The following RASSF3 variants were observed in gnomAD, a reference collection of about 807,000 sequenced individuals.
RASSF3 encodes ras association domain-containing protein 3.
RASSF3 carries 19 observed loss-of-function variants against 19.9 expected under a neutral mutation model. That is an observed-to-expected ratio of 0.96 (90% CI 0.67 to 1.40). RASSF3 has a LOEUF of 1.40. Among genes scored for constraint, RASSF3 ranks in the 40% most tolerant of loss-of-function variants. The pLI is 0.00. For missense variants in RASSF3, 306 were observed against 289.8 expected (o/e 1.06, Z -0.41); for synonymous variants, 110 against 104.2 (o/e 1.06, Z -0.34).
upstream of RASSF3, among the ~76,000 whole-genome samples, chr12:64,605,538 CA>C (rs1870175987): frequency 6.6e-6 from 1 of 152,030 alleles, no homozygotes; most frequent in South Asian, 2.1e-4. Context: ...ACTATTCCAG[CA>C]GGAACAAAAT....
At chr12:64,611,021 C>T (rs961517473) in intron 1 of RASSF3, among the ~76,000 whole-genome samples, 1 of 152,334 alleles carries the variant, frequency 6.6e-6, no homozygotes, top group South Asian at 2.1e-4. Context: ...CTCGGGCTGC[C>T]GCCTGCGGGG....
chr12:64,592,482 T>C (rs1869941236), intron 2 of RASSF3, among the ~76,000 whole-genome samples: 1 of 152,218 alleles, frequency 6.6e-6, no homozygotes, highest in African/African-American at 2.4e-5. Flanking sequence ...TTTGATATTG[T>C]TTCCTACAAG....
chr12:64,543,877 C>T (rs956469785), downstream of RASSF3, among the ~76,000 whole-genome samples: 3 of 151,970 alleles, frequency 2.0e-5, no homozygotes, highest in Non-Finnish European at 2.9e-5. Context: ...CTGTACCTAG[C>T]TAATCTAGTG....
At chr12:64,626,135 C>CTGT (rs1193838600) in intron 1 of RASSF3, among the ~76,000 whole-genome samples, 1 of 151,948 alleles carries the variant, frequency 6.6e-6, no homozygotes, top group Non-Finnish European at 1.5e-5. Context: ...ATTGGCTGAG[C>CTGT]TGTAGTGTTA....
At chr12:64,642,971 TTC>T (rs769686318) in intron 1 of RASSF3, among the ~76,000 whole-genome samples, 26 of 151,884 alleles carry the variant, frequency 1.7e-4, no homozygotes, top group Non-Finnish European at 3.1e-4. Context: ...GTTCAAGTGA[TTC>T]TCGTGCCTCA....
intron 1 of RASSF3, among the ~76,000 whole-genome samples, chr12:64,535,586 G>A (rs1592392847): frequency 6.6e-6 from 1 of 151,616 alleles, no homozygotes; most frequent in African/African-American, 2.4e-5. Flanking sequence ...AGCTGGTCTC[G>A]AACTCCTGGG....
Position 64,694,887 on chromosome 12 carries a change from T to C in RASSF3, c.692T>C (p.Leu231Pro). Residue 231 changes from leucine to proline, a missense_variant, in exon 5 of 5, where the codon CTC becomes CCC. By Grantham distance (98) the Leu-to-Pro change is moderately conservative. Transcript: ENST00000542104. ...TACAGGCAGAAGCTGGAAGAAGCCCTCCGTGAGGTGTGGAAGCCTGATTAA... is the reference window on the plus strand; with the variant it reads ...TACAGGCAGAAGCTGGAAGAAGCCCCCCGTGAGGTGTGGAAGCCTGATTAA... ...TAYRQKLEEA[L>P]REVWKPD 6.2e-7 allele frequency: 1 copy of C among 1,614,168 alleles called. No homozygotes were observed. The highest frequency in any genetic ancestry group is 8.5e-7 in the Non-Finnish European group (1 of 1,180,030).
At chr12:64,548,515 T>C (rs1167960720) in intron 2 of RASSF3, among the ~76,000 whole-genome samples, 2 of 152,164 alleles carry the variant, frequency 1.3e-5, no homozygotes, top group Non-Finnish European at 2.9e-5. Flanking sequence ...TTTGGTGCAT[T>C]TCTTACTGTT....
chr12:64,519,411 G>GTATA (rs138994678), intron 1 of RASSF3, among the ~76,000 whole-genome samples: 2 of 150,800 alleles, frequency 1.3e-5, no homozygotes, highest in Non-Finnish European at 3.0e-5. Context: ...TCTCAAATAC[G>GTATA]TATATATATA....
At chr12:64,589,604 A>G (rs1329636095) in intron 2 of RASSF3, among the ~76,000 whole-genome samples, 1 of 152,024 alleles carries the variant, frequency 6.6e-6, no homozygotes, top group Non-Finnish European at 1.5e-5. Context: ...TAAAATCAAC[A>G]ACTTTTTTTT....
chr12:64,627,756 C>T (rs1158686713), intron 1 of RASSF3, among the ~76,000 whole-genome samples: 4 of 151,548 alleles, frequency 2.6e-5, no homozygotes, highest in Non-Finnish European at 4.4e-5. Context: ...GTGAAAAGTA[C>T]GTTGGGCCAG....
At chr12:64,610,276 G>T (rs533936107), upstream of RASSF3, among the ~76,000 whole-genome samples, 1 of 151,946 alleles carries the variant, frequency 6.6e-6, no homozygotes, top group Non-Finnish European at 1.5e-5. Context: ...CCGGCTTTCC[G>T]GGTTCCGCGA....
intron 1 of RASSF3, among the ~76,000 whole-genome samples, chr12:64,537,073 C>T (rs1329847692): frequency 6.6e-6 from 1 of 152,176 alleles, no homozygotes. Context: ...CAATTGTTTT[C>T]TTGAAGCCTT....
At chr12:64,540,873 C>G (rs1345053134) in intron 1 of RASSF3, among the ~76,000 whole-genome samples, 2 of 152,092 alleles carry the variant, frequency 1.3e-5, no homozygotes, top group African/African-American at 4.8e-5. Flanking sequence ...TGGGCTCAAG[C>G]AATCCTCTCA....
At chr12:64,687,957 G>A (rs1230911918) in intron 2 of RASSF3, among the ~76,000 whole-genome samples, 1 of 151,070 alleles carries the variant, frequency 6.6e-6, no homozygotes, top group African/African-American at 2.4e-5. Flanking sequence ...GTCTGGGGCC[G>A]GCAGTCAGCC....
At chr12:64,545,990 G>A (rs1186837442), downstream of RASSF3, among the ~76,000 whole-genome samples, 5 of 151,204 alleles carry the variant, frequency 3.3e-5, no homozygotes, top group Non-Finnish European at 5.9e-5. Context: ...CAGCTACTCT[G>A]GAGGCTGAGG....
intron 2 of RASSF3, among the ~76,000 whole-genome samples, chr12:64,591,137 G>A (rs1035917472): frequency 2.6e-5 from 4 of 152,072 alleles, no homozygotes; most frequent in African/African-American, 7.2e-5. Flanking sequence ...TGTTCTGGTG[G>A]AGTTATTAAA....
At position 64,620,014 on chromosome 12, in the gene RASSF3, C is replaced by CTGTGTGTGTGTGTGTGTGTGTGTG. The variant is rs68044550; in HGVS notation, c.111+9294_111+9295insGTGTGTGTGTGTGTGTGTGTGTGT. On this transcript the variant is annotated intron_variant, in intron 1 of 4. Coordinates refer to ENST00000542104, the MANE Select transcript of RASSF3 (RefSeq NM_178169.4). ...AAAAAAAGAAATTAGTGCAGGTTGA[C>CTGTGTGTGTGTGTGTGTGTGTGTG]TGTGTGTGTGTGTGTGTGTGTGTAG... 9.0e-3 allele frequency among the ~76,000 whole-genome samples: 1,208 copies of CTGTGTGTGTGTGTGTGTGTGTGTG among 134,176 alleles called. 11 individuals carry two copies. Among genetic ancestry groups the CTGTGTGTGTGTGTGTGTGTGTGTG allele is most frequent in the African/African-American group, 0.028 (981 of 35,280 alleles). 88.0% of individuals were successfully genotyped at this position (134,176 alleles called of 152,430 possible).
chr12:64,549,141 A>G (rs1012393086), intron 2 of RASSF3, among the ~76,000 whole-genome samples: 1 of 152,212 alleles, frequency 6.6e-6, no homozygotes, highest in African/African-American at 2.4e-5. Flanking sequence ...GGAAATAAGG[A>G]AAACAGTCCT....
Sources: gnomAD v4.1 joint callset for allele counts (sites outside exome capture counted in the v4.1 genomes callset) on GRCh38, gnomAD v4.1.1 for gene constraint, MANE v1.5 for transcripts, NCBI Gene and HGNC (gene_info 2026-07-23, HGNC 2026-07-21) for gene names.